Variants in CNTNAP5 observed in about 807,000 individuals in gnomAD.
CNTNAP5 encodes the protein contactin associated protein family member 5, also known as contactin-associated protein-like 5.
CNTNAP5 carries 72 observed loss-of-function variants against 150.2 expected under a neutral mutation model. The ratio of observed to expected loss-of-function variants is 0.48; its 90% confidence interval spans 0.40 to 0.58. The LOEUF (loss-of-function observed/expected upper bound fraction) is 0.58, where lower values mean the gene tolerates loss of function less well. CNTNAP5 is among the 20% of genes least tolerant of loss of function. CNTNAP5 has a pLI of 0.00. For missense variants in CNTNAP5, 1,636 were observed against 1,626.2 expected, an observed-to-expected ratio of 1.01 and a Z score of -0.10; for synonymous variants, 672 against 619.8, an observed-to-expected ratio of 1.08 and a Z score of -1.25.
At chr2:124,288,985 G>A (rs1388042631) in intron 3 of CNTNAP5, among the ~76,000 whole-genome samples, 4 of 152,184 alleles carry the variant, frequency 2.6e-5, no homozygotes, top group Admixed American at 6.6e-5. Context: ...TAAGTCCTCT[G>A]TCAAACCATA....
chr2:124,087,805 C>T (rs188442415), intron 1 of CNTNAP5, among the ~76,000 whole-genome samples: 4 of 148,384 alleles, frequency 2.7e-5, no homozygotes, highest in Admixed American at 2.6e-4. Context: ...TGATGGGAAA[C>T]CTATTGTCAC....
At position 124,439,517 on chromosome 2, in the gene CNTNAP5, G is replaced by A. The variant is rs939688450; in HGVS notation, c.733+4830G>A. 2.0e-5 allele frequency among the ~76,000 whole-genome samples: 3 copies of A among 152,288 alleles called. No homozygotes were observed. The East Asian group carries it at 5.8e-4, about 29-fold the overall frequency. ...AGTCACAGAAGACGGACACAAGTTA[G>A]ACACCAGAGTAGAGCAACAACTCCT... On this transcript the variant is annotated intron_variant, in intron 5 of 23. Coordinates refer to ENST00000682447, the MANE Select transcript of CNTNAP5 (RefSeq NM_001367498.1).
rs966028971 is a variant in CNTNAP5 at position 124,353,673 on chromosome 2, CAGA to C, written c.382-63767_382-63765del. Among the ~76,000 whole-genome samples the C allele has an allele frequency of 7.0e-4, 107 of 152,242 alleles. 1 individual carries two copies. Among genetic ancestry groups the C allele is most frequent in the Admixed American group, 6.5e-5 (1 of 15,288 alleles). Reference sequence around the variant, plus strand: ...TTCTCACTTCTAGAGCACTATAGAACAGAAGCAGTGATATCTGTACAAGCTTTA... The same window carrying C: ...TTCTCACTTCTAGAGCACTATAGAACAGCAGTGATATCTGTACAAGCTTTA... On this transcript the variant is annotated intron_variant, in intron 3 of 23. Transcript: ENST00000682447.
At chr2:124,426,993 A>G (rs2042657) in intron 4 of CNTNAP5, among the ~76,000 whole-genome samples, 14 of 152,154 alleles carry the variant, frequency 9.2e-5, no homozygotes, top group Non-Finnish European at 1.6e-4. Context: ...TCTAGAGAAG[A>G]CTGCCAATGT....
chr2:124,569,235 A>G (rs945804703), intron 11 of CNTNAP5, among the ~76,000 whole-genome samples: 1 of 152,068 alleles, frequency 6.6e-6, no homozygotes, highest in Non-Finnish European at 1.5e-5. Context: ...ACTTTCTGAG[A>G]TCTTGTTTTA....
intron 7 of CNTNAP5, among the ~76,000 whole-genome samples, chr2:124,490,208 C>A (rs1044957212): frequency 3.9e-5 from 6 of 151,956 alleles, no homozygotes; most frequent in African/African-American, 1.5e-4. Flanking sequence ...GTGGTGTACA[C>A]CTATAGTCCC....
intron 3 of CNTNAP5, among the ~76,000 whole-genome samples, chr2:124,345,005 T>C (rs1689704057): frequency 6.6e-6 from 1 of 152,156 alleles, no homozygotes; most frequent in African/African-American, 2.4e-5. Context: ...CGGTGACTGC[T>C]TGTAAGACCT....
chr2:124,375,566 T>C (rs78037226), intron 3 of CNTNAP5, among the ~76,000 whole-genome samples: 2,232 of 152,134 alleles, frequency 0.015, 50 homozygotes, highest in African/African-American at 0.05. Context: ...AGATTATGGA[T>C]TGGAAGCTAA....
intron 3 of CNTNAP5, among the ~76,000 whole-genome samples, chr2:124,311,748 C>T (rs1178218283): frequency 6.6e-6 from 1 of 152,188 alleles, no homozygotes; most frequent in Non-Finnish European, 1.5e-5. Context: ...CACGTGTATT[C>T]ACTCAGTGAA....
chr2:124,804,333 G>C (rs1160694794), intron 19 of CNTNAP5, among the ~76,000 whole-genome samples: 1 of 152,192 alleles, frequency 6.6e-6, no homozygotes, highest in Non-Finnish European at 1.5e-5. Flanking sequence ...CCTGACTGGA[G>C]AAACAGTGGC....
intron 1 of CNTNAP5, among the ~76,000 whole-genome samples, chr2:124,076,419 T>G (rs1387873828): frequency 2.6e-5 from 4 of 152,156 alleles, no homozygotes; most frequent in Non-Finnish European, 5.9e-5. Context: ...AATATTACAG[T>G]GTACTACAGG....
At chr2:124,356,542 G>A (rs1690013381) in intron 3 of CNTNAP5, among the ~76,000 whole-genome samples, 1 of 146,818 alleles carries the variant, frequency 6.8e-6, no homozygotes, top group Admixed American at 7.1e-5. Flanking sequence ...CCACCTATGA[G>A]TGAGAATATG....
intron 12 of CNTNAP5, among the ~76,000 whole-genome samples, chr2:124,628,098 T>A (rs1050887358): frequency 1.3e-5 from 2 of 152,194 alleles, no homozygotes; most frequent in African/African-American, 4.8e-5. Flanking sequence ...GATTGGAGTA[T>A]CTTTAAGAGA....
At chr2:124,527,850 C>T (rs1558940878) in intron 10 of CNTNAP5, among the ~76,000 whole-genome samples, 1 of 152,122 alleles carries the variant, frequency 6.6e-6, no homozygotes, top group Non-Finnish European at 1.5e-5. Flanking sequence ...GAGCATTGGA[C>T]CATCTGGGAA....
chr2:124,482,807 C>T (rs1163716867), intron 7 of CNTNAP5, among the ~76,000 whole-genome samples: 13 of 152,154 alleles, frequency 8.5e-5, no homozygotes, highest in African/African-American at 1.2e-4. Context: ...GAGAAGGAGG[C>T]GAATGCTGCA....
At chr2:124,371,929 T>C (rs1185125301) in intron 3 of CNTNAP5, among the ~76,000 whole-genome samples, 1 of 151,946 alleles carries the variant, frequency 6.6e-6, no homozygotes, top group Non-Finnish European at 1.5e-5. Context: ...CTTGACTCGA[T>C]TGAGGGATGG....
intron 16 of CNTNAP5, among the ~76,000 whole-genome samples, chr2:124,767,203 G>A (rs574574400): frequency 1.8e-4 from 28 of 152,258 alleles, no homozygotes; most frequent in African/African-American, 6.5e-4. Flanking sequence ...CGCAAGGAGT[G>A]TTCCTCTAAA....
rs576883188 is a variant in CNTNAP5, at chr2:124,728,395, G to A, written c.2078-18834G>A. The stretch of plus-strand genomic sequence containing the variant: ...TTTAAATATTGCTTAGAATTCACCA[G>A]TGAAGCCACATGATGCTAGGCTTTT... On this transcript the variant is annotated intron_variant, in intron 13 of 23. Transcript: ENST00000682447. Among the ~76,000 whole-genome samples, 5 of 152,086 alleles carry A rather than the reference G, an allele frequency of 3.3e-5. No individual in the cohort carries two copies. In the South Asian group the frequency reaches 1.0e-3, roughly 32 times the overall value.
chr2:124,120,785 A>G (rs1416724935), intron 1 of CNTNAP5, among the ~76,000 whole-genome samples: 1 of 152,182 alleles, frequency 6.6e-6, no homozygotes, highest in Non-Finnish European at 1.5e-5. Context: ...AGAAAGTAAA[A>G]TAGATATCAA....
Sources: allele counts gnomAD v4.1 joint callset (sites outside exome capture counted in the v4.1 genomes callset), GRCh38; gene constraint gnomAD v4.1.1; transcripts MANE v1.5; gene names NCBI Gene and HGNC (gene_info 2026-07-23, HGNC 2026-07-21).